ROBO2: variants seen among roughly 807,000 people sequenced by gnomAD.
ROBO2 encodes the protein roundabout homolog 2.
ROBO2 carries 53 observed loss-of-function variants against 160.8 expected under a neutral mutation model. The ratio of observed to expected loss-of-function variants is 0.33; its 90% confidence interval spans 0.26 to 0.41. The LOEUF (loss-of-function observed/expected upper bound fraction) is 0.41. Ranked by LOEUF, ROBO2 falls within the 10% of genes least tolerant of loss-of-function variation. The probability of loss-of-function intolerance (pLI) is 1.00; values close to 1 mark genes in which losing one functional copy is unlikely to be tolerated. For synonymous variants in ROBO2, 664 were observed against 611.7 expected, an observed-to-expected ratio of 1.09 and a Z score of -1.26; for missense variants, 1,577 against 1,722.4, an observed-to-expected ratio of 0.92 and a Z score of 1.49.
At chr3:77,410,715 TCTTCC>T (rs1560758949) in intron 2 of ROBO2, among the ~76,000 whole-genome samples, 14 of 138,658 alleles carry the variant, frequency 1.0e-4, no homozygotes, top group East Asian at 2.4e-4. Context: ...CTCCTCCTCC[TCTTCC>T]TCCTCCTCCT....
At chr3:76,578,338 C>T (rs1315924105) in intron 2 of ROBO2, among the ~76,000 whole-genome samples, 1 of 152,146 alleles carries the variant, frequency 6.6e-6, no homozygotes, top group East Asian at 1.9e-4. Context: ...CCACATTACT[C>T]TCCTGTCTTG....
chr3:77,522,031 C>A (rs1200261278), intron 5 of ROBO2, among the ~76,000 whole-genome samples: 2 of 151,132 alleles, frequency 1.3e-5, no homozygotes, highest in African/African-American at 4.8e-5. Flanking sequence ...AAAATGATAG[C>A]TGGATTATTT....
At chr3:75,959,799 A>T (rs1233812689) in intron 2 of ROBO2, among the ~76,000 whole-genome samples, 2 of 151,750 alleles carry the variant, frequency 1.3e-5, no homozygotes, top group African/African-American at 4.8e-5. Context: ...AAAATTTACC[A>T]GGCAGAAATG....
At chr3:76,207,149 A>G (rs937741981) in intron 2 of ROBO2, among the ~76,000 whole-genome samples, 3 of 152,192 alleles carry the variant, frequency 2.0e-5, no homozygotes. Context: ...TATTTTATAT[A>G]CTGAGCCTTA....
intron 1 of ROBO2, among the ~76,000 whole-genome samples, chr3:75,907,873 G>GTGTA (rs1427338672): frequency 8.0e-6 from 1 of 124,240 alleles, no homozygotes; most frequent in African/African-American, 2.7e-5. Context: ...GTGTGTGTGT[G>GTGTA]TGTGTGTGTA....
chr3:76,111,726 G>A (rs1303427284), intron 2 of ROBO2, among the ~76,000 whole-genome samples: 2 of 151,998 alleles, frequency 1.3e-5, no homozygotes, highest in African/African-American at 4.8e-5. Context: ...TACCTTTCCT[G>A]CCTCCACCCA....
At chr3:77,131,543 G>A (rs1560076571) in intron 2 of ROBO2, among the ~76,000 whole-genome samples, 2 of 152,112 alleles carry the variant, frequency 1.3e-5, no homozygotes, top group African/African-American at 2.4e-5. Context: ...AGTAAAAAGA[G>A]ATTGGAGATC....
At chr3:76,305,135 T>C (rs1455754875) in intron 2 of ROBO2, among the ~76,000 whole-genome samples, 5 of 151,952 alleles carry the variant, frequency 3.3e-5, no homozygotes, top group African/African-American at 9.7e-5. Flanking sequence ...ATGCCTTTAA[T>C]TGAAGCATTT....
intron 2 of ROBO2, among the ~76,000 whole-genome samples, chr3:76,923,333 T>C (rs1207670456): frequency 6.6e-6 from 1 of 152,230 alleles, no homozygotes; most frequent in Non-Finnish European, 1.5e-5. Flanking sequence ...GGAAAGCTGA[T>C]CTCTTTATGT....
intron 5 of ROBO2, among the ~76,000 whole-genome samples, chr3:77,502,609 G>T (rs2087780594): frequency 6.6e-6 from 1 of 152,054 alleles, no homozygotes; most frequent in Admixed American, 6.6e-5. Flanking sequence ...GGGTGTGATT[G>T]GCCCTCTCCA....
intron 2 of ROBO2, among the ~76,000 whole-genome samples, chr3:77,122,723 G>A (rs1385206443): frequency 2.6e-5 from 4 of 152,158 alleles, no homozygotes; most frequent in Admixed American, 1.3e-4. Flanking sequence ...TCCACATGTG[G>A]TGTTGTGGTA....
intron 2 of ROBO2, among the ~76,000 whole-genome samples, chr3:75,964,066 T>C (rs977885648): frequency 2.6e-5 from 4 of 151,726 alleles, no homozygotes; most frequent in African/African-American, 9.7e-5. Context: ...TAAGTAACCA[T>C]TGACCAGGTT....
At chr3:76,733,961 G>A (rs1051179887) in intron 2 of ROBO2, among the ~76,000 whole-genome samples, 9 of 152,280 alleles carry the variant, frequency 5.9e-5, no homozygotes, top group African/African-American at 1.7e-4. Context: ...AAGGAAACCA[G>A]AAAGAGCATC....
rs138976108 is a variant in ROBO2 at position 76,701,581 on chromosome 3, A to G, written c.110-396433A>G. Among the ~76,000 whole-genome samples the G allele has an allele frequency of 7.2e-3, 1,103 of 152,152 alleles. 11 individuals are homozygous for G. Among genetic ancestry groups the G allele is most frequent in the African/African-American group, 0.024 (983 of 41,540 alleles). ...TCAAGGCTTGCTCTTGAAAAAGGCA[A>G]TGATGGGCACATGTAGTCTAATCAC... On this transcript the variant is annotated intron_variant, in intron 2 of 26. Transcript: ENST00000487694.
Position 77,016,384 on chromosome 3 carries a change from A to G in ROBO2, c.110-81630A>G, listed in dbSNP as rs1316321203. On this transcript the variant is annotated intron_variant, in intron 2 of 26. Coordinates refer to the ROBO2 transcript ENST00000487694. ...TCCATACATAAATCTATGTCTCTCC[A>G]TTAAAGAACAAAAACAAAAATGCTC... Among the ~76,000 whole-genome samples, 4 of 152,260 alleles carry G rather than the reference A, an allele frequency of 2.6e-5. No individual in the cohort carries two copies. In the South Asian group the frequency reaches 6.2e-4, roughly 24 times the overall value.
Position 76,043,620 on chromosome 3 carries a change from C to CAAAAAA in ROBO2, c.109+106039_109+106044dup, listed in dbSNP as rs56988287. On this transcript the variant is annotated intron_variant, in intron 2 of 26. Coordinates refer to the ROBO2 transcript ENST00000487694. ...ACACCCTAACCAATTCTTCATCGTC[C>CAAAAAA]AAAAAAAAAAAAAAAAAAAAAAAAA... Among the ~76,000 whole-genome samples, 49 of 38,438 alleles carry CAAAAAA rather than the reference C, an allele frequency of 1.3e-3. 3 individuals carry two copies. Among genetic ancestry groups the CAAAAAA allele is most frequent in the East Asian group, 6.2e-3 (6 of 970 alleles). 25.2% of individuals were successfully genotyped at this position (38,438 alleles called of 152,430 possible). A position where few individuals can be genotyped will look rare whatever the true frequency, so the allele number is the denominator to read the frequency against.
chr3:76,547,515 A>C (rs1463710724), intron 2 of ROBO2, among the ~76,000 whole-genome samples: 3 of 152,062 alleles, frequency 2.0e-5, no homozygotes, highest in Non-Finnish European at 1.5e-5. Flanking sequence ...GAAAGAAAGC[A>C]TTAAACTCAT....
chr3:77,460,850 T>G (rs2082166068), intron 2 of ROBO2, among the ~76,000 whole-genome samples: 1 of 152,198 alleles, frequency 6.6e-6, no homozygotes, highest in Admixed American at 6.5e-5. Context: ...TTTCCCATAT[T>G]TTTTTCCATG....
chr3:76,213,477 G>A (rs1703282920), intron 2 of ROBO2, among the ~76,000 whole-genome samples: 4 of 152,176 alleles, frequency 2.6e-5, no homozygotes, highest in South Asian at 2.1e-4. Flanking sequence ...AAAGAAAAAT[G>A]AGAATGGTTC....
Sources: allele counts gnomAD v4.1 joint callset (sites outside exome capture counted in the v4.1 genomes callset), GRCh38; gene constraint gnomAD v4.1.1; transcripts MANE v1.5; gene names NCBI Gene and HGNC (gene_info 2026-07-23, HGNC 2026-07-21).